Variants in GAS2 observed in about 807,000 individuals in gnomAD.
GAS2 encodes the protein growth arrest specific 2, also known as growth arrest-specific protein 2.
Under a neutral mutation model 37.5 loss-of-function variants are expected in GAS2, and 20 were observed. The observed-to-expected ratio is 0.53, with a 90% CI of 0.37 to 0.77. The LOEUF is 0.77. Ranked by LOEUF, GAS2 falls within the 30% of genes least tolerant of loss-of-function variation. The pLI, the probability that GAS2 is intolerant of heterozygous loss-of-function variation, is 0.00. For missense variants in GAS2, 336 were observed against 373.4 expected (o/e 0.90, Z 0.82); for synonymous variants, 144 against 132.2 (o/e 1.09, Z -0.61).
chr11:22,775,111 A>C (rs1026086475), intron 7 of GAS2, among the ~76,000 whole-genome samples: 1 of 152,182 alleles, frequency 6.6e-6, no homozygotes, highest in East Asian at 1.9e-4. Flanking sequence ...GCTCATGGAG[A>C]GCTACCTGTA....
intron 4 of GAS2, among the ~76,000 whole-genome samples, chr11:22,737,203 T>C (rs1852802020): frequency 6.6e-6 from 1 of 152,190 alleles, no homozygotes; most frequent in Admixed American, 6.5e-5. Flanking sequence ...ACATTCATCT[T>C]TGGAGGATAA....
At chr11:22,782,922 T>C (rs1855635433) in intron 7 of GAS2, among the ~76,000 whole-genome samples, 1 of 152,036 alleles carries the variant, frequency 6.6e-6, no homozygotes, top group African/African-American at 2.4e-5. Context: ...ATGCATGTGT[T>C]CCTTTGGTAG....
chr11:22,770,535 T>G (rs1854926842), intron 7 of GAS2, among the ~76,000 whole-genome samples: 1 of 152,212 alleles, frequency 6.6e-6, no homozygotes, highest in African/African-American at 2.4e-5. Context: ...CTCTGGAGTC[T>G]GATATGTTTC....
chr11:22,773,665 G>A (rs928331474), intron 7 of GAS2, among the ~76,000 whole-genome samples: 1 of 152,000 alleles, frequency 6.6e-6, no homozygotes, highest in African/African-American at 2.4e-5. Flanking sequence ...TGCAGGGCTG[G>A]AATTGGCACT....
intron 3 of GAS2, among the ~76,000 whole-genome samples, chr11:22,700,749 T>C (rs1046860769): frequency 2.0e-5 from 3 of 152,324 alleles, no homozygotes; most frequent in African/African-American, 7.2e-5. Flanking sequence ...ATTATACTGC[T>C]TGCAGTATAA....
intron 3 of GAS2, among the ~76,000 whole-genome samples, chr11:22,714,452 G>A (rs2134099984): frequency 6.6e-6 from 1 of 152,208 alleles, no homozygotes; most frequent in Middle Eastern, 3.4e-3. Flanking sequence ...TCCACTGACA[G>A]CACTAGATAG....
chr11:22,664,390 GA>G (rs1848951480), upstream of GAS2, among the ~76,000 whole-genome samples: 1 of 152,120 alleles, frequency 6.6e-6, no homozygotes, highest in Non-Finnish European at 1.5e-5. Context: ...AGAGAAATGA[GA>G]AAATTCATGT....
At chr11:22,680,020 A>T (rs1849606708) in intron 2 of GAS2, among the ~76,000 whole-genome samples, 1 of 152,150 alleles carries the variant, frequency 6.6e-6, no homozygotes, top group Non-Finnish European at 1.5e-5. Flanking sequence ...TTCTTGAAAA[A>T]TAACATTTTC....
At chr11:22,720,469 C>G (rs1851895088) in intron 3 of GAS2, among the ~76,000 whole-genome samples, 2 of 151,938 alleles carry the variant, frequency 1.3e-5, no homozygotes, top group African/African-American at 4.8e-5. Context: ...TTTCAAGCCA[C>G]TTGGTTGTTA....
intron 4 of GAS2, 28 bp downstream of exon 4, chr11:22,726,461 G>C: frequency 6.3e-7 from 1 of 1,585,016 alleles, no homozygotes; most frequent in Non-Finnish European, 8.6e-7. Context: ...AATTTTAGTT[G>C]ATAAGATACG....
chr11:22,685,696 G>A lies in GAS2; in HGVS notation c.174G>A (p.Met58Ile), dbSNP rs1849906873. 1.2e-6 allele frequency: 2 copies of A among 1,613,448 alleles called. No individual in the cohort carries two copies. The highest frequency in any genetic ancestry group is 1.7e-6 in the Non-Finnish European group (2 of 1,179,684). Residue 58 changes from methionine (M) to isoleucine (I), a missense_variant, in exon 3 of 8, where the codon ATG becomes ATA. Met to Ile is a conservative substitution (Grantham distance 10). Transcript: ENST00000454584. Reference sequence around the variant, plus strand: ...AGGAGATTACAGCAGAAACTTTTATGGAGAAGTTGGACAATGGTGCCTTGC... The same window carrying A: ...AGGAGATTACAGCAGAAACTTTTATAGAGAAGTTGGACAATGGTGCCTTGC... ...LGKEITAETF[M>I]EKLDNGALLC...
intron 3 of GAS2, among the ~76,000 whole-genome samples, chr11:22,711,578 C>G (rs1851409577): frequency 6.6e-6 from 1 of 152,234 alleles, no homozygotes. Flanking sequence ...GCCCTGCTTG[C>G]TTTCTCAATT....
At chr11:22,736,996 A>G (rs1314356380) in intron 4 of GAS2, among the ~76,000 whole-genome samples, 1 of 152,192 alleles carries the variant, frequency 6.6e-6, no homozygotes, top group African/African-American at 2.4e-5. Flanking sequence ...CAAATGCACT[A>G]ATTAATCACA....
chr11:22,768,273 C>T (rs746487693), intron 7 of GAS2, among the ~76,000 whole-genome samples: 1 of 152,086 alleles, frequency 6.6e-6, no homozygotes, highest in South Asian at 2.1e-4. Flanking sequence ...ACTAAAACAA[C>T]AACAACAAAG....
chr11:22,730,143 G>A (rs1211807372), intron 4 of GAS2, among the ~76,000 whole-genome samples: 1 of 151,592 alleles, frequency 6.6e-6, no homozygotes, highest in Non-Finnish European at 1.5e-5. Context: ...ATTAACATGA[G>A]GTCACCCGTT....
intron 3 of GAS2, among the ~76,000 whole-genome samples, chr11:22,705,520 C>T (rs183852523): frequency 1.3e-5 from 2 of 152,076 alleles, no homozygotes; most frequent in Non-Finnish European, 2.9e-5. Flanking sequence ...TTGGGTCCTC[C>T]CCAAGAACTT....
At chr11:22,667,780 T>G (rs771703223) in intron 1 of GAS2, among the ~76,000 whole-genome samples, 4 of 152,180 alleles carry the variant, frequency 2.6e-5, no homozygotes, top group Non-Finnish European at 1.5e-5. Context: ...ACAATTGAGG[T>G]TGGGGGAGGG....
At chr11:22,685,550 CCAGTTATGTAACT>C (rs1472343013) in intron 2 of GAS2, 105 bp from the exon 3 acceptor site, 31 of 1,019,702 alleles carry the variant, frequency 3.0e-5, no homozygotes, top group Non-Finnish European at 4.1e-5. Context: ...AGCTCCTATC[CCAGTTATGTAACT>C]CAGCTAGAAT....
intron 7 of GAS2, among the ~76,000 whole-genome samples, chr11:22,788,879 A>G (rs1472939274): frequency 6.6e-6 from 1 of 152,126 alleles, no homozygotes; most frequent in Non-Finnish European, 1.5e-5. Context: ...TATTTCCTTC[A>G]CAAAATAAGT....
Sources: gnomAD v4.1 joint callset for allele counts (sites outside exome capture counted in the v4.1 genomes callset) on GRCh38, gnomAD v4.1.1 for gene constraint, MANE v1.5 for transcripts, NCBI Gene and HGNC (gene_info 2026-07-23, HGNC 2026-07-21) for gene names.